Variants in GRM7 observed in about 807,000 individuals in gnomAD.
GRM7 encodes the protein glutamate metabotropic receptor 7.
Under a neutral mutation model 84.5 loss-of-function variants are expected in GRM7, and 35 were observed. That is an observed-to-expected ratio of 0.41 (90% CI 0.32 to 0.55). The LOEUF is 0.55. GRM7 is among the 20% of genes least tolerant of loss of function. The pLI is 0.19. For missense variants in GRM7, 1,003 were observed against 1,194.6 expected, an observed-to-expected ratio of 0.84 and a Z score of 2.36; for synonymous variants, 487 against 455.1, an observed-to-expected ratio of 1.07 and a Z score of -0.89.
At position 7,281,278 on chromosome 3, in the gene GRM7, A is replaced by T. The variant is rs1044711217; in HGVS notation, c.737-17406A>T. The stretch of plus-strand genomic sequence containing the variant: ...ATTGTATTTTATTCTATGTAAATCT[A>T]TTTTTTTTGCAGTGCTAAAACAGGT... On this transcript the variant is annotated intron_variant, in intron 2 of 9. Transcript: ENST00000357716. Among the ~76,000 whole-genome samples the T allele has an allele frequency of 3.9e-5, 6 of 151,910 alleles. No individual in the cohort carries two copies. The South Asian group carries it at 1.0e-3, about 26-fold the overall frequency.
intron 2 of GRM7, among the ~76,000 whole-genome samples, chr3:7,195,790 A>G (rs1038781241): frequency 6.6e-6 from 1 of 152,192 alleles, no homozygotes; most frequent in Non-Finnish European, 1.5e-5. Flanking sequence ...GGTTTAAAAA[A>G]TATAAGAACT....
intron 7 of GRM7, among the ~76,000 whole-genome samples, chr3:7,546,889 G>T (rs1293268497): frequency 1.3e-5 from 2 of 152,200 alleles, no homozygotes. Flanking sequence ...CGATGTTAGA[G>T]TAACTTAATA....
At chr3:7,210,694 A>G (rs1272257530) in intron 2 of GRM7, among the ~76,000 whole-genome samples, 2 of 152,214 alleles carry the variant, frequency 1.3e-5, no homozygotes, top group Non-Finnish European at 2.9e-5. Context: ...AATGTTCGCC[A>G]AGAAAGCCTC....
At chr3:6,886,197 C>A (rs114730991) in intron 1 of GRM7, among the ~76,000 whole-genome samples, 1,929 of 152,078 alleles carry the variant, frequency 0.013, 43 homozygotes, top group African/African-American at 0.044. Context: ...ACTATAGTCA[C>A]CATGTTGTAC....
At chr3:7,434,532 A>G (rs1000883460) in intron 5 of GRM7, among the ~76,000 whole-genome samples, 8 of 152,118 alleles carry the variant, frequency 5.3e-5, no homozygotes, top group Non-Finnish European at 1.2e-4. Flanking sequence ...GTGTCAAAGG[A>G]TATGTTTGTA....
chr3:7,707,962 A>G (rs1420123931), intron 9 of GRM7, among the ~76,000 whole-genome samples: 1 of 118,016 alleles, frequency 8.5e-6, no homozygotes, highest in African/African-American at 3.3e-5. Context: ...TTTACTTCCC[A>G]TGCCCTATAA....
At chr3:7,607,041 T>A (rs1380519307) in intron 8 of GRM7, 1 of 152,192 alleles carries the variant, frequency 6.6e-6, no homozygotes, top group Non-Finnish European at 1.5e-5. Flanking sequence ...ACAGGTTTTA[T>A]AGATTTCCAG....
At chr3:7,485,578 A>G (rs1267322629) in intron 7 of GRM7, among the ~76,000 whole-genome samples, 4 of 152,214 alleles carry the variant, frequency 2.6e-5, no homozygotes, top group Non-Finnish European at 5.9e-5. Context: ...CAAGAAATTT[A>G]AACACAAAAG....
At chr3:6,872,604 C>T (rs564950953) in intron 1 of GRM7, among the ~76,000 whole-genome samples, 15 of 152,128 alleles carry the variant, frequency 9.9e-5, no homozygotes, top group Admixed American at 7.9e-4. Context: ...TAATGCTATC[C>T]CTCCCTTAGC....
intron 8 of GRM7, among the ~76,000 whole-genome samples, chr3:7,678,122 T>A (rs1165804860): frequency 6.6e-6 from 1 of 152,092 alleles, no homozygotes; most frequent in African/African-American, 2.4e-5. Flanking sequence ...AGGTACTATC[T>A]TCAGTACCTG....
chr3:6,990,518 G>A lies in GRM7; in HGVS notation c.519+128611G>A, dbSNP rs1575105816. Among the ~76,000 whole-genome samples, 3 of 151,908 alleles carry A rather than the reference G, an allele frequency of 2.0e-5. 1 individual carries two copies. In the South Asian group the frequency reaches 6.2e-4, roughly 32 times the overall value. ...TCCAGGCTTTTTAGTTATTACTATC[G>A]ACATGGCTCCATGGAGGGAGAGGGT... On this transcript the variant is annotated intron_variant, in intron 1 of 9. Transcript: ENST00000357716.
At chr3:7,414,823 C>T (rs2125179838) in intron 4 of GRM7, among the ~76,000 whole-genome samples, 200 bp from the exon 5 acceptor site, 1 of 151,696 alleles carries the variant, frequency 6.6e-6, no homozygotes, top group South Asian at 2.1e-4. Context: ...ACCTACCTGT[C>T]AGATTGAACT....
At chr3:6,985,134 T>A (rs1321364011) in intron 1 of GRM7, among the ~76,000 whole-genome samples, 1 of 152,164 alleles carries the variant, frequency 6.6e-6, no homozygotes, top group Non-Finnish European at 1.5e-5. Flanking sequence ...ATGTGAGACG[T>A]CTTGATACAG....
At chr3:7,175,194 C>G (rs1205085054) in intron 2 of GRM7, among the ~76,000 whole-genome samples, 1 of 152,212 alleles carries the variant, frequency 6.6e-6, no homozygotes, top group African/African-American at 2.4e-5. Flanking sequence ...TGATAACTTT[C>G]CTACATTCTG....
intron 8 of GRM7, among the ~76,000 whole-genome samples, chr3:7,642,473 C>G (rs919607859): frequency 2.6e-5 from 4 of 152,076 alleles, no homozygotes; most frequent in Admixed American, 2.6e-4. Flanking sequence ...TGAGTGGGTT[C>G]CTGCTTTCAT....
intron 2 of GRM7, among the ~76,000 whole-genome samples, chr3:7,200,964 A>ATTTTTTTTT (rs71625339): frequency 2.0e-5 from 2 of 98,160 alleles, no homozygotes; most frequent in African/African-American, 4.3e-5. Context: ...ACATTTCAGA[A>ATTTTTTTTT]TTTTTTTTTT....
chr3:6,945,101 G>A (rs1367786899), intron 1 of GRM7, among the ~76,000 whole-genome samples: 1 of 151,598 alleles, frequency 6.6e-6, no homozygotes, highest in African/African-American at 2.4e-5. Flanking sequence ...TAGGGTACAT[G>A]TGCACAATGT....
intron 8 of GRM7, among the ~76,000 whole-genome samples, chr3:7,581,847 G>C (rs1695269972): frequency 6.8e-6 from 1 of 147,976 alleles, no homozygotes; most frequent in Admixed American, 6.8e-5. Flanking sequence ...AGACAGCAGT[G>C]TTCTTTTCCT....
intron 1 of GRM7, among the ~76,000 whole-genome samples, chr3:6,958,844 A>G (rs1693177441): frequency 6.6e-6 from 1 of 152,192 alleles, no homozygotes. Flanking sequence ...CTCATACTAG[A>G]GCATATTAGA....
Sources: allele counts gnomAD v4.1 joint callset (sites outside exome capture counted in the v4.1 genomes callset), GRCh38; gene constraint gnomAD v4.1.1; transcripts MANE v1.5; gene names NCBI Gene and HGNC (gene_info 2026-07-23, HGNC 2026-07-21).